Variants in SLC39A11 observed in about 807,000 individuals in gnomAD.
SLC39A11 encodes solute carrier family 39 member 11.
In SLC39A11, 33 loss-of-function variants were observed where a neutral mutation model predicts 36.1. The observed-to-expected ratio is 0.91, with a 90% CI of 0.69 to 1.22. The LOEUF (loss-of-function observed/expected upper bound fraction) is 1.22, where lower values mean the gene tolerates loss of function less well. SLC39A11 is among the 50% of genes most tolerant of loss of function. The pLI is 0.00. For missense variants in SLC39A11, 432 were observed against 430.3 expected, an observed-to-expected ratio of 1.00 and a Z score of -0.03; for synonymous variants, 166 against 170.3, an observed-to-expected ratio of 0.97 and a Z score of 0.20.
chr17:73,024,380 C>T (rs1463440982), intron 4 of SLC39A11, among the ~76,000 whole-genome samples: 5 of 152,200 alleles, frequency 3.3e-5, no homozygotes, highest in Non-Finnish European at 7.3e-5. Flanking sequence ...TCAATGTCCC[C>T]ACGAAACGAG....
At chr17:72,654,837 G>C (rs77754404) in intron 7 of SLC39A11, among the ~76,000 whole-genome samples, 6,309 of 152,296 alleles carry the variant, frequency 0.041, 147 homozygotes, top group Middle Eastern at 0.078. Context: ...TGACAAATCA[G>C]AGGTGGGGCT....
At chr17:72,972,095 G>GA (rs2087499423) in intron 4 of SLC39A11, among the ~76,000 whole-genome samples, 1 of 152,194 alleles carries the variant, frequency 6.6e-6, no homozygotes, top group South Asian at 2.1e-4. Context: ...GAAGGAGAAA[G>GA]AAAAACGGTC....
intron 5 of SLC39A11, among the ~76,000 whole-genome samples, chr17:72,895,898 A>G (rs527802340): frequency 9.8e-5 from 15 of 152,316 alleles, no homozygotes; most frequent in African/African-American, 2.9e-4. Context: ...AATTGCTAAT[A>G]TAGATCATAC....
intron 7 of SLC39A11, among the ~76,000 whole-genome samples, chr17:72,680,948 G>C (rs1353136849): frequency 6.6e-6 from 1 of 152,038 alleles, no homozygotes; most frequent in African/African-American, 2.4e-5. Flanking sequence ...CGGTTTCTTT[G>C]TTTGTTTTTT....
chr17:72,712,447 T>C (rs2073144628), intron 7 of SLC39A11, among the ~76,000 whole-genome samples: 1 of 152,204 alleles, frequency 6.6e-6, no homozygotes, highest in South Asian at 2.1e-4. Flanking sequence ...TTTTGAAAGC[T>C]TCTACTGAGT....
chr17:72,845,623 T>C (rs1473900015), intron 6 of SLC39A11, among the ~76,000 whole-genome samples: 2 of 152,278 alleles, frequency 1.3e-5, no homozygotes, highest in Admixed American at 6.5e-5. Flanking sequence ...TCATTTATTA[T>C]GATGATGTTC....
chr17:72,972,797 C>T (rs1010890805), intron 4 of SLC39A11, among the ~76,000 whole-genome samples: 1 of 152,194 alleles, frequency 6.6e-6, no homozygotes, highest in Non-Finnish European at 1.5e-5. Context: ...CCGTGGAAAT[C>T]ACTGTGGTCA....
chr17:72,704,328 C>T (rs991801299), intron 7 of SLC39A11, among the ~76,000 whole-genome samples: 6 of 152,296 alleles, frequency 3.9e-5, no homozygotes, highest in African/African-American at 7.2e-5. Context: ...GCTAGTAAAT[C>T]GCAGCACCTC....
chr17:73,070,327 T>C (rs1416775635), intron 3 of SLC39A11, among the ~76,000 whole-genome samples: 2 of 152,112 alleles, frequency 1.3e-5, no homozygotes, highest in Non-Finnish European at 2.9e-5. Context: ...TAATGTCAAG[T>C]ATGAGCCTTC....
intron 6 of SLC39A11, among the ~76,000 whole-genome samples, chr17:72,766,815 A>G (rs1211878523): frequency 6.6e-6 from 1 of 152,192 alleles, no homozygotes; most frequent in Non-Finnish European, 1.5e-5. Context: ...CCTAAATCCA[A>G]AGGGCATCAG....
intron 6 of SLC39A11, among the ~76,000 whole-genome samples, chr17:72,785,529 CATG>C (rs2076482022): frequency 6.6e-6 from 1 of 152,172 alleles, no homozygotes; most frequent in Admixed American, 6.5e-5. Flanking sequence ...AAAGATGGTT[CATG>C]ATGTCACTTG....
chr17:72,721,087 C>CTTTTTTTTTTTT (rs56090007), intron 7 of SLC39A11, among the ~76,000 whole-genome samples: 1 of 126,552 alleles, frequency 7.9e-6, no homozygotes, highest in Non-Finnish European at 1.6e-5. Context: ...TGTCCCTCGC[C>CTTTTTTTTTTTT]TTTTTTTTTT....
In SLC39A11 at chr17:72,802,167, T is replaced by C. The variant is rs530800332; in HGVS notation, c.601+47467A>G. ...GGGGTACGGCAAAGCCTGGGTAGGA[T>C]GTGCACCCAGACACGTTTCTTGGCA... On this transcript the variant is annotated intron_variant, in intron 6 of 9. Coordinates refer to ENST00000255559, the MANE Select transcript of SLC39A11 (RefSeq NM_139177.4). Among the ~76,000 whole-genome samples, 8 of 152,288 alleles carry C rather than the reference T, an allele frequency of 5.3e-5. No homozygotes were observed. The South Asian group carries it at 1.7e-3, about 32-fold the overall frequency.
Position 72,906,074 on chromosome 17 carries a change from C to T in SLC39A11, c.430+41678G>A, listed in dbSNP as rs536659412. Among the ~76,000 whole-genome samples the T allele has an allele frequency of 1.5e-4, 23 of 152,314 alleles. 1 individual carries two copies. The highest frequency in any genetic ancestry group is 4.6e-4 in the African/African-American group (19 of 41,574). On this transcript the variant is annotated intron_variant, in intron 5 of 9. Transcript: ENST00000255559. ...GGCCAAAGAGGACCCCAACTCTTGA[C>T]GCTCTTTTGGGTTCACAACGAGCTA...
At position 72,943,612 on chromosome 17, in the gene SLC39A11, T is replaced by C. The variant is rs118003067; in HGVS notation, c.430+4140A>G. ...ACACTTCAGAAAGATTTACAGAAAATGCACAGATGGCACCTCACAACTGAA... is the reference window on the plus strand; with the variant it reads ...ACACTTCAGAAAGATTTACAGAAAACGCACAGATGGCACCTCACAACTGAA... On this transcript the variant is annotated intron_variant, in intron 5 of 9. Transcript: ENST00000255559. 2.7e-3 allele frequency among the ~76,000 whole-genome samples: 414 copies of C among 152,274 alleles called. 1 individual carries two copies. The highest frequency in any genetic ancestry group is 5.0e-3 in the Non-Finnish European group (339 of 68,032).
chr17:72,713,360 G>T (rs1017953176), intron 7 of SLC39A11, among the ~76,000 whole-genome samples: 1 of 152,156 alleles, frequency 6.6e-6, no homozygotes, highest in Non-Finnish European at 1.5e-5. Flanking sequence ...TAGTGGGCCC[G>T]CATCTTACAA....
rs147708760 is a variant in SLC39A11, at chr17:73,061,589, G to T, written c.147+23219C>A. Among the ~76,000 whole-genome samples, 614 of 152,298 alleles carry T rather than the reference G, an allele frequency of 4.0e-3. 3 individuals carry two copies. Among genetic ancestry groups the T allele is most frequent in the African/African-American group, 0.013 (523 of 41,564 alleles). Reference sequence around the variant, plus strand: ...TTGGACAGGGTTATGCATCTTAATTGGAGAAATAAAACTTGTACTTGAAAG... The same window carrying T: ...TTGGACAGGGTTATGCATCTTAATTTGAGAAATAAAACTTGTACTTGAAAG... On this transcript the variant is annotated intron_variant, in intron 3 of 9. Coordinates refer to ENST00000255559, the MANE Select transcript of SLC39A11 (RefSeq NM_139177.4).
chr17:73,057,091 C>G (rs559132289), intron 3 of SLC39A11, among the ~76,000 whole-genome samples: 59 of 152,214 alleles, frequency 3.9e-4, no homozygotes, highest in African/African-American at 1.3e-3. Context: ...CTCCTGAGTA[C>G]AGGCACCTGC....
chr17:72,920,600 C>T (rs1180563084), intron 5 of SLC39A11, among the ~76,000 whole-genome samples: 2 of 150,566 alleles, frequency 1.3e-5, no homozygotes, highest in Non-Finnish European at 3.0e-5. Context: ...CTTCCCACCC[C>T]CTCTACAACT....
Sources: allele counts gnomAD v4.1 joint callset (sites outside exome capture counted in the v4.1 genomes callset), GRCh38; gene constraint gnomAD v4.1.1; transcripts MANE v1.5; gene names NCBI Gene and HGNC (gene_info 2026-07-23, HGNC 2026-07-21).